Variants in CCDC178 observed in about 807,000 individuals in gnomAD.
The protein encoded by CCDC178 is coiled-coil domain containing 178.
Under a neutral mutation model 117.4 loss-of-function variants are expected in CCDC178, and 126 were observed. That is an observed-to-expected ratio of 1.07 (90% confidence interval 0.93 to 1.24). The LOEUF is 1.24. Ranked by LOEUF, CCDC178 falls within the 50% of genes most tolerant of loss-of-function variation. CCDC178 has a pLI of 0.00. For missense variants in CCDC178, 1,030 were observed against 986.9 expected, an observed-to-expected ratio of 1.04 and a Z score of -0.59; for synonymous variants, 283 against 313.4, an observed-to-expected ratio of 0.90 and a Z score of 1.02.
At chr18:33,201,005 T>C (rs574327423) in intron 20 of CCDC178, among the ~76,000 whole-genome samples, 1 of 152,350 alleles carries the variant, frequency 6.6e-6, no homozygotes, top group Admixed American at 6.5e-5. Flanking sequence ...ACTTTTTCAC[T>C]TATTTAAGGA....
intron 22 of CCDC178, among the ~76,000 whole-genome samples, chr18:32,945,063 T>C (rs909352820): frequency 2.0e-5 from 3 of 152,192 alleles, no homozygotes; most frequent in Non-Finnish European, 2.9e-5. Context: ...AGTCATTCAT[T>C]TTACTCATTG....
chr18:33,407,199 T>C (rs151026239), intron 3 of CCDC178, among the ~76,000 whole-genome samples: 1 of 152,194 alleles, frequency 6.6e-6, no homozygotes. Context: ...ACTTGAGAAT[T>C]TCCTATAGCC....
At chr18:33,208,091 C>G (rs190178746) in intron 20 of CCDC178, among the ~76,000 whole-genome samples, 3 of 152,150 alleles carry the variant, frequency 2.0e-5, no homozygotes, top group Non-Finnish European at 2.9e-5. Flanking sequence ...TAACAAGTTA[C>G]TTTTAAAAAG....
intron 14 of CCDC178, among the ~76,000 whole-genome samples, chr18:33,259,004 T>A (rs2059711393): frequency 6.6e-6 from 1 of 152,100 alleles, no homozygotes; most frequent in Non-Finnish European, 1.5e-5. Flanking sequence ...TTTCAGAAAC[T>A]AGGTTAGTCC....
At chr18:33,078,633 A>C (rs531357136) in intron 21 of CCDC178, among the ~76,000 whole-genome samples, 1 of 152,342 alleles carries the variant, frequency 6.6e-6, no homozygotes, top group East Asian at 1.9e-4. Flanking sequence ...CTTATATACC[A>C]ACAATAGCCA....
intron 21 of CCDC178, among the ~76,000 whole-genome samples, chr18:33,050,841 T>G (rs1327331731): frequency 6.6e-6 from 1 of 152,140 alleles, no homozygotes; most frequent in East Asian, 1.9e-4. Flanking sequence ...AGAAATGAAA[T>G]AGATTTCTAA....
intron 11 of CCDC178, among the ~76,000 whole-genome samples, chr18:33,314,509 T>C (rs543383804): frequency 6.6e-6 from 1 of 152,038 alleles, no homozygotes; most frequent in African/African-American, 2.4e-5. Flanking sequence ...CAAAGAAAAA[T>C]AAAACTGAAG....
chr18:33,159,190 G>C (rs1228834313), intron 20 of CCDC178, among the ~76,000 whole-genome samples: 1 of 152,028 alleles, frequency 6.6e-6, no homozygotes, highest in Non-Finnish European at 1.5e-5. Flanking sequence ...TGTAAAAACT[G>C]ATTGTAACAA....
chr18:33,245,560 T>A (rs568394422), intron 14 of CCDC178, 132 bp from the exon 15 acceptor site: 1 of 990,718 alleles, frequency 1.0e-6, no homozygotes, highest in East Asian at 3.2e-5. Context: ...TAGCTAAAAC[T>A]TGAAGACAGA....
intron 21 of CCDC178, among the ~76,000 whole-genome samples, chr18:33,086,894 C>T (rs2057386771): frequency 6.6e-6 from 1 of 151,202 alleles, no homozygotes; most frequent in African/African-American, 2.4e-5. Flanking sequence ...TTCTAGATGC[C>T]AGAGGCAACC....
intron 20 of CCDC178, among the ~76,000 whole-genome samples, chr18:33,176,527 C>A (rs2058666312): frequency 6.6e-6 from 1 of 152,128 alleles, no homozygotes. Flanking sequence ...CTCCATCCAC[C>A]ACATTTAGGT....
chr18:33,253,560 T>C (rs1399094448), intron 14 of CCDC178, among the ~76,000 whole-genome samples: 2 of 151,718 alleles, frequency 1.3e-5, no homozygotes, highest in Non-Finnish European at 3.0e-5. Context: ...TTAAAAAAGA[T>C]AAAAAATAAA....
chr18:33,307,002 C>A (rs2062264903), intron 11 of CCDC178, among the ~76,000 whole-genome samples: 1 of 152,162 alleles, frequency 6.6e-6, no homozygotes, highest in South Asian at 2.1e-4. Flanking sequence ...GAGGCCTCCC[C>A]AGCCCTGTGG....
chr18:33,135,208 G>A (rs1390798437), intron 20 of CCDC178, among the ~76,000 whole-genome samples: 2 of 151,882 alleles, frequency 1.3e-5, no homozygotes, highest in Admixed American at 6.6e-5. Flanking sequence ...GGATTTATTG[G>A]CACAGTGAAA....
At chr18:33,192,018 A>C (rs2058864937) in intron 20 of CCDC178, among the ~76,000 whole-genome samples, 1 of 152,206 alleles carries the variant, frequency 6.6e-6, no homozygotes, top group African/African-American at 2.4e-5. Flanking sequence ...TAAATGTTTA[A>C]AACTATATTT....
chr18:33,283,663 C>T (rs1457626007), intron 12 of CCDC178, among the ~76,000 whole-genome samples: 4 of 152,062 alleles, frequency 2.6e-5, no homozygotes, highest in Non-Finnish European at 4.4e-5. Context: ...AAAAGCTCAG[C>T]ATCACTGATC....
intron 22 of CCDC178, among the ~76,000 whole-genome samples, chr18:32,951,881 T>G (rs997874477): frequency 1.2e-4 from 19 of 152,144 alleles, no homozygotes; most frequent in African/African-American, 4.6e-4. Context: ...ATGGGACAAA[T>G]TGGCCAAAAC....
intron 7 of CCDC178, among the ~76,000 whole-genome samples, chr18:33,351,812 A>G (rs2062983822): frequency 6.6e-6 from 1 of 151,868 alleles, no homozygotes; most frequent in African/African-American, 2.4e-5. Context: ...TTGGCCTCCC[A>G]AAGTACTTGG....
intron 11 of CCDC178, among the ~76,000 whole-genome samples, chr18:33,317,457 G>A (rs185163332): frequency 7.6e-4 from 115 of 152,244 alleles, no homozygotes; most frequent in Non-Finnish European, 1.0e-3. Context: ...GCAAGTGTCC[G>A]CGGCTTCATT....
Sources: gnomAD v4.1 joint callset for allele counts (sites outside exome capture counted in the v4.1 genomes callset) on GRCh38, gnomAD v4.1.1 for gene constraint, MANE v1.5 for transcripts, NCBI Gene and HGNC (gene_info 2026-07-23, HGNC 2026-07-21) for gene names.